Variants in ZNF536 observed in about 807,000 individuals in gnomAD.
ZNF536 encodes the protein zinc finger protein 536.
A neutral mutation model predicts 84.5 loss-of-function variants in ZNF536; 13 were observed. The observed-to-expected ratio is 0.15, with a 90% confidence interval of 0.10 to 0.24. The LOEUF (loss-of-function observed/expected upper bound fraction) is 0.24. ZNF536 is among the 10% of genes least tolerant of loss of function. The pLI is 1.00. For synonymous variants in ZNF536, 811 were observed against 742.5 expected, an observed-to-expected ratio of 1.09 and a Z score of -1.50; for missense variants, 1,536 against 1,747.5, an observed-to-expected ratio of 0.88 and a Z score of 2.16.
At chr19:30,607,728 T>G (rs1361541835) in intron 1 of ZNF536, among the ~76,000 whole-genome samples, 1 of 142,924 alleles carries the variant, frequency 7.0e-6, no homozygotes, top group African/African-American at 2.6e-5. Context: ...AAAAAAAAAG[T>G]AACATACTTT....
chr19:30,682,469 G>C (rs2051014559), intron 1 of ZNF536, among the ~76,000 whole-genome samples: 1 of 152,212 alleles, frequency 6.6e-6, no homozygotes. Context: ...CGAGATTCTT[G>C]GTAGAGGACC....
intron 1 of ZNF536, among the ~76,000 whole-genome samples, chr19:30,585,258 A>C (rs1568576501): frequency 6.6e-6 from 1 of 152,238 alleles, no homozygotes; most frequent in African/African-American, 2.4e-5. Context: ...CTTTCTGTAC[A>C]TGGACACTTA....
At chr19:30,519,151 C>A (rs924687707) in intron 2 of ZNF536, among the ~76,000 whole-genome samples, 3 of 152,256 alleles carry the variant, frequency 2.0e-5, no homozygotes, top group African/African-American at 7.2e-5. Context: ...AAGGCCAACA[C>A]CTGCGCAGCC....
chr19:30,360,467 G>A (rs1382561797), intron 3 of ZNF536, among the ~76,000 whole-genome samples: 2 of 152,190 alleles, frequency 1.3e-5, no homozygotes, highest in African/African-American at 2.4e-5. Context: ...ATTGTTTTTT[G>A]TTGCTGCATG....
intron 2 of ZNF536, among the ~76,000 whole-genome samples, chr19:30,487,757 C>A (rs893402836): frequency 6.6e-6 from 1 of 152,170 alleles, no homozygotes; most frequent in Non-Finnish European, 1.5e-5. Context: ...CCCTGGCATT[C>A]TATAGAAAAT....
intron 1 of ZNF536, among the ~76,000 whole-genome samples, chr19:30,248,090 T>G (rs10407519): frequency 0.25 from 37,960 of 152,136 alleles, 6,021 homozygotes; most frequent in East Asian, 0.52. Context: ...ATCTCTGCAT[T>G]CGAATTCAAA....
At chr19:30,267,167 TG>T (rs1473002945) in intron 1 of ZNF536, among the ~76,000 whole-genome samples, 4 of 152,250 alleles carry the variant, frequency 2.6e-5, no homozygotes, top group Non-Finnish European at 5.9e-5. Flanking sequence ...TCATCTGCTG[TG>T]CTGTTCTCTG....
intron 1 of ZNF536, among the ~76,000 whole-genome samples, chr19:30,426,589 C>T (rs2051223763): frequency 6.6e-6 from 1 of 152,200 alleles, no homozygotes; most frequent in African/African-American, 2.4e-5. Context: ...ACTTCACATC[C>T]CCGAGGGTGG....
intron 2 of ZNF536, among the ~76,000 whole-genome samples, chr19:30,478,376 G>A (rs1300590682): frequency 3.9e-5 from 6 of 151,992 alleles, no homozygotes; most frequent in African/African-American, 1.2e-4. Flanking sequence ...GTATAAGTCC[G>A]GGGTAGGGGG....
At chr19:30,285,651 ACTC>A (rs2045599972) in intron 2 of ZNF536, among the ~76,000 whole-genome samples, 1 of 151,444 alleles carries the variant, frequency 6.6e-6, no homozygotes, top group Non-Finnish European at 1.5e-5. Context: ...TGACCCATCC[ACTC>A]CTCTAGCTGT....
intron 1 of ZNF536, among the ~76,000 whole-genome samples, chr19:30,241,816 G>A (rs2023962782): frequency 6.6e-6 from 1 of 152,166 alleles, no homozygotes; most frequent in South Asian, 2.1e-4. Flanking sequence ...CCGTGCCCAC[G>A]AAGACTAGGA....
Position 30,444,177 on chromosome 19 carries a change from C to T in ZNF536, c.615C>T (p.Arg205=), listed in dbSNP as rs745738230. 4.5e-6 allele frequency: 7 copies of T among 1,568,362 alleles called. No homozygotes were observed. The African/African-American group carries it at 5.4e-5, about 12-fold the overall frequency. ...ENRLLHELEE[R]AILRDKQLKG... ...GCCTGCTGCACGAGCTGGAGGAGCG[C>T]GCCATCCTGCGGGACAAGCAGCTGA... Residue 205 remains arginine, a synonymous_variant, in exon 2 of 5, where the codon CGC becomes CGT. Transcript: ENST00000355537.
intron 1 of ZNF536, among the ~76,000 whole-genome samples, chr19:30,646,679 C>A (rs979525521): frequency 9.9e-5 from 15 of 152,266 alleles, no homozygotes; most frequent in Admixed American, 6.5e-4. Context: ...GCTCTGCCCC[C>A]CTTTTGGTCG....
chr19:30,252,401 G>T (rs1368026892), intron 1 of ZNF536, among the ~76,000 whole-genome samples: 1 of 152,206 alleles, frequency 6.6e-6, no homozygotes, highest in Non-Finnish European at 1.5e-5. Context: ...GGGATCTGGT[G>T]CCTCCGGGGG....
chr19:30,243,040 A>G (rs1246537427), intron 1 of ZNF536, among the ~76,000 whole-genome samples: 7 of 152,224 alleles, frequency 4.6e-5, no homozygotes, highest in Non-Finnish European at 1.0e-4. Flanking sequence ...ATGACTCAAT[A>G]GAAAAATTAT....
chr19:30,227,829 G>T (rs938078475), upstream of ZNF536, among the ~76,000 whole-genome samples: 1 of 151,966 alleles, frequency 6.6e-6, no homozygotes, highest in African/African-American at 2.4e-5. Context: ...CGGGCAGCCC[G>T]AGCGGGCCGC....
intron 2 of ZNF536, among the ~76,000 whole-genome samples, chr19:30,518,492 G>A (rs538450598): frequency 6.6e-6 from 1 of 152,212 alleles, no homozygotes; most frequent in Non-Finnish European, 1.5e-5. Context: ...TTCCCCGAAG[G>A]AGAAGTCAGA....
intron 1 of ZNF536, among the ~76,000 whole-genome samples, chr19:30,264,690 G>A (rs887164461): frequency 1.3e-5 from 2 of 152,080 alleles, no homozygotes; most frequent in Non-Finnish European, 2.9e-5. Context: ...TGGTGAGCAC[G>A]TCTCACAGGG....
chr19:30,232,319 G>T (rs1287195567), intron 1 of ZNF536, among the ~76,000 whole-genome samples: 1 of 152,164 alleles, frequency 6.6e-6, no homozygotes, highest in Non-Finnish European at 1.5e-5. Flanking sequence ...GGGGGTACAT[G>T]TGCAGGGTTG....
Sources: gnomAD v4.1 joint callset for allele counts (sites outside exome capture counted in the v4.1 genomes callset) on GRCh38, gnomAD v4.1.1 for gene constraint, MANE v1.5 for transcripts, NCBI Gene and HGNC (gene_info 2026-07-23, HGNC 2026-07-21) for gene names.